UXS1: variants seen among roughly 807,000 people sequenced by gnomAD.
UXS1 encodes the protein UDP-glucuronic acid decarboxylase 1.
A neutral mutation model predicts 62.6 loss-of-function variants in UXS1; 33 were observed. The observed-to-expected ratio is 0.53, with a 90% CI of 0.40 to 0.70. UXS1 has a LOEUF of 0.70. Among genes scored for constraint, UXS1 ranks in the 30% least tolerant of loss-of-function variants. The pLI, the probability that UXS1 is intolerant of heterozygous loss-of-function variation, is 0.00. For missense variants in UXS1, 434 were observed against 556.3 expected, an observed-to-expected ratio of 0.78 and a Z score of 2.21; for synonymous variants, 213 against 206.8, an observed-to-expected ratio of 1.03 and a Z score of -0.26.
intron 6 of UXS1, among the ~76,000 whole-genome samples, chr2:106,140,541 G>A (rs1681017583): frequency 6.6e-6 from 1 of 152,050 alleles, no homozygotes; most frequent in Non-Finnish European, 1.5e-5. Context: ...TTGATGGCTT[G>A]GCTCTCCCAT....
intron 6 of UXS1, chr2:106,138,300 A>T: frequency 1.0e-6 from 1 of 985,486 alleles, no homozygotes; most frequent in South Asian, 4.7e-5. Flanking sequence ...CTGCACCACT[A>T]GTCCACAACA....
chr2:106,142,923 ATGTGTGTG>A (rs141333004), intron 6 of UXS1, among the ~76,000 whole-genome samples: 8 of 149,054 alleles, frequency 5.4e-5, no homozygotes, highest in South Asian at 2.1e-4. Context: ...GTTTGCATGT[ATGTGTGTG>A]TGTGTGTGTG....
intron 1 of UXS1, among the ~76,000 whole-genome samples, chr2:106,183,264 A>T (rs1393601148): frequency 4.7e-5 from 7 of 149,846 alleles, no homozygotes; most frequent in Non-Finnish European, 1.0e-4. Context: ...AAAAAAAGCA[A>T]GGTCACCCCC....
At chr2:106,111,425 A>G (rs1230294738) in intron 10 of UXS1, among the ~76,000 whole-genome samples, 1 of 152,234 alleles carries the variant, frequency 6.6e-6, no homozygotes, top group Non-Finnish European at 1.5e-5. Context: ...AAACTCAGCT[A>G]TACAATGCAG....
At chr2:106,122,890 T>C in intron 9 of UXS1, 80 bp downstream of exon 9, 1 of 1,543,904 alleles carries the variant, frequency 6.5e-7, no homozygotes, top group Non-Finnish European at 8.8e-7. Context: ...GTCATGGCAT[T>C]CATTCCTTTA....
chr2:106,174,869 G>A (rs1296008367), intron 1 of UXS1, among the ~76,000 whole-genome samples: 1 of 152,162 alleles, frequency 6.6e-6, no homozygotes, highest in African/African-American at 2.4e-5. Flanking sequence ...CCCATCCCTG[G>A]GCCACCCTTC....
chr2:106,168,167 C>T (rs927638364), intron 1 of UXS1, among the ~76,000 whole-genome samples: 19 of 151,832 alleles, frequency 1.3e-4, no homozygotes, highest in African/African-American at 4.4e-4. Flanking sequence ...GTCTCAAGAA[C>T]AAAAAAGATA....
chr2:106,096,804 G>C lies in UXS1; in HGVS notation c.1060C>G (p.Gln354Glu). ...TCATCCTGGGCTTCGGAGAGAAACT[G>C]AATTTCACTTCCGCTACCTGAGATG... ...KNLVGSGSEI[Q>E]FLSEAQDDPQ... The change falls in exon 14 of 15, where the codon CAG becomes GAG. Residue 354 changes from glutamine to glutamate, a missense_variant. Transcript: ENST00000283148. The C allele has an allele frequency of 6.3e-7, 1 of 1,589,314 alleles. No homozygotes were observed. Among genetic ancestry groups the C allele is most frequent in the South Asian group, 1.1e-5 (1 of 87,202 alleles).
At chr2:106,104,663 T>A (rs1332740641) in intron 11 of UXS1, 131 bp downstream of exon 11, 7 of 1,134,278 alleles carry the variant, frequency 6.2e-6, no homozygotes, top group African/African-American at 3.1e-5. Context: ...AAATTAAAAA[T>A]TTTTAATCAA....
At chr2:106,111,616 A>C (rs1678616572) in intron 10 of UXS1, among the ~76,000 whole-genome samples, 1 of 152,184 alleles carries the variant, frequency 6.6e-6, no homozygotes, top group South Asian at 2.1e-4. Flanking sequence ...CAACTCATAT[A>C]ACCTCTGCGC....
intron 1 of UXS1, among the ~76,000 whole-genome samples, chr2:106,175,143 A>G (rs1197125828): frequency 1.3e-5 from 2 of 152,212 alleles, no homozygotes; most frequent in Non-Finnish European, 2.9e-5. Flanking sequence ...CCAACCTTCC[A>G]GTGCTCAGAG....
chr2:106,094,212 C>CGCAGGAAGGAGGTGCCACCTT, intron 14 of UXS1, 55 bp from the exon 15 acceptor site: 1 of 1,186,126 alleles, frequency 8.4e-7, no homozygotes, highest in Non-Finnish European at 1.2e-6. Flanking sequence ...AGAAGGGCAT[C>CGCAGGAAGGAGGTGCCACCTT]GCAGGAAGGA....
chr2:106,123,183 A>G, intron 8 of UXS1, 92 bp from the exon 9 acceptor site: 1 of 1,562,204 alleles, frequency 6.4e-7, no homozygotes, highest in South Asian at 1.2e-5. Context: ...GGAACTTCGG[A>G]AAGACCCATT....
chr2:106,130,930 A>G (rs974902944), intron 6 of UXS1, among the ~76,000 whole-genome samples: 1 of 152,188 alleles, frequency 6.6e-6, no homozygotes, highest in Non-Finnish European at 1.5e-5. Context: ...GAACAGCTCC[A>G]GTCTACAGCT....
At chr2:106,119,062 T>C (rs184149322) in intron 9 of UXS1, among the ~76,000 whole-genome samples, 1 of 152,208 alleles carries the variant, frequency 6.6e-6, no homozygotes, top group Non-Finnish European at 1.5e-5. Context: ...CTCCCCAAAC[T>C]ATCTCAAAAG....
chr2:106,094,212 C>CGCAGGAAGGAAGTGCGACCTT, intron 14 of UXS1, 55 bp from the exon 15 acceptor site: 1 of 1,186,124 alleles, frequency 8.4e-7, no homozygotes. Flanking sequence ...AGAAGGGCAT[C>CGCAGGAAGGAAGTGCGACCTT]GCAGGAAGGA....
At chr2:106,106,364 C>CA (rs34097863) in intron 10 of UXS1, among the ~76,000 whole-genome samples, 82,917 of 127,470 alleles carry the variant, frequency 0.65, 26,773 homozygotes, top group South Asian at 0.73. Context: ...AACTCCGTCT[C>CA]AAAAAAAAAA....
chr2:106,095,843 C>A (rs920526400), intron 14 of UXS1, among the ~76,000 whole-genome samples: 1 of 152,162 alleles, frequency 6.6e-6, no homozygotes, highest in Admixed American at 6.5e-5. Flanking sequence ...TGAGGACGAG[C>A]GTTCTCTGGC....
intron 9 of UXS1, among the ~76,000 whole-genome samples, chr2:106,121,707 G>C (rs1346334398): frequency 6.6e-6 from 1 of 152,210 alleles, no homozygotes; most frequent in Non-Finnish European, 1.5e-5. Flanking sequence ...TCGCTTAGAA[G>C]GCAATTAGTT....
Sources: allele counts gnomAD v4.1 joint callset (sites outside exome capture counted in the v4.1 genomes callset), GRCh38; gene constraint gnomAD v4.1.1; transcripts MANE v1.5; gene names NCBI Gene and HGNC (gene_info 2026-07-23, HGNC 2026-07-21).